ACSM4: variants seen among roughly 807,000 people sequenced by gnomAD.
ACSM4 encodes acyl-CoA synthetase medium chain family member 4, also known as acyl-coenzyme A synthetase ACSM4, mitochondrial.
Under a neutral mutation model 73.0 loss-of-function variants are expected in ACSM4, and 66 were observed. That is an observed-to-expected ratio of 0.90 (90% CI 0.74 to 1.11). The LOEUF is 1.11. Among genes scored for constraint, ACSM4 ranks in the 50% least tolerant of loss-of-function variants. The pLI, the probability that ACSM4 is intolerant of heterozygous loss-of-function variation, is 0.00. For missense variants in ACSM4, 645 were observed against 714.4 expected, an observed-to-expected ratio of 0.90 and a Z score of 1.11; for synonymous variants, 222 against 254.0, an observed-to-expected ratio of 0.87 and a Z score of 1.20.
intron 9 of ACSM4, 117 bp from the exon 10 acceptor site, chr12:7,324,155 CA>C (rs34096837): frequency 0.085 from 78,362 of 922,502 alleles, no homozygotes; most frequent in South Asian, 0.13. Context: ...GACTCTGTCT[CA>C]AAAAAAAAAA....
At position 7,327,115 on chromosome 12, in the gene ACSM4, G is replaced by C; in HGVS notation, c.1656+20G>C. On this transcript the variant is annotated intron_variant, in intron 12 of 12. Coordinates refer to ENST00000399422, the MANE Select transcript of ACSM4 (RefSeq NM_001080454.2). ...AGAAAGGCAAGTGCTTTGCCCAAAA[G>C]TTAAGTTTGGATGTTACCAAACTAG... The C allele has an allele frequency of 6.3e-7, 1 of 1,579,416 alleles. No individual in the cohort carries two copies. Among genetic ancestry groups the C allele is most frequent in the Non-Finnish European group, 8.6e-7 (1 of 1,162,890 alleles).
Position 7,306,677 on chromosome 12 carries a change from CG to C in ACSM4, c.347del (p.Arg116LeufsTer4), listed in dbSNP as rs1946364181. 1 of 1,611,132 alleles carries C rather than the reference CG, an allele frequency of 6.2e-7. No homozygotes were observed. The highest frequency in any genetic ancestry group is 1.3e-5 in the African/African-American group (1 of 74,808). On this transcript the variant is annotated frameshift_variant, in exon 2 of 13. Transcript: ENST00000399422. LOFTEE classifies it high-confidence loss of function. ...GCCCTGTGGCCTGCAGAGAGGAGAC[CG>C]TTTGGCCGTGATTCTGCCCAGAATC... is the stretch of plus-strand genomic sequence containing the variant. ...TKPCGLQRGD[R>X]LAVILPRIPE...
rs1946486800 is a variant in ACSM4, at chr12:7,324,296, C to T, written c.1332C>T (p.Ala444=). 6.2e-7 allele frequency: 1 copy of T among 1,613,046 alleles called. No homozygotes were observed. The highest frequency in any genetic ancestry group is 8.5e-7 in the Non-Finnish European group (1 of 1,179,696). Residue 444 remains alanine, a synonymous_variant, in exon 10 of 13, where the codon GCC becomes GCT. Transcript: ENST00000399422. ...KYVDNPQKTA[A]TIRGDFYVTG... ...AGGACAATCCACAGAAAACTGCTGC[C>T]ACGATAAGAGGAGATTTTTATGTCA...
At chr12:7,321,073 G>C (rs1008511073) in intron 6 of ACSM4, among the ~76,000 whole-genome samples, 1 of 152,062 alleles carries the variant, frequency 6.6e-6, no homozygotes, top group African/African-American at 2.4e-5. Context: ...ATGTCTTCTG[G>C]GGGGCAAAAC....
intron 3 of ACSM4, 93 bp from the exon 4 acceptor site, chr12:7,317,044 T>G: frequency 7.0e-7 from 1 of 1,421,412 alleles, no homozygotes; most frequent in Non-Finnish European, 9.4e-7. Context: ...TATCTTCTGG[T>G]AGCAAGAGGG....
At chr12:7,319,300 A>G (rs1054909452) in intron 5 of ACSM4, among the ~76,000 whole-genome samples, 2 of 152,134 alleles carry the variant, frequency 1.3e-5, no homozygotes, top group African/African-American at 4.8e-5. Flanking sequence ...AATGCGGGCA[A>G]TGGGGAGTGG....
At chr12:7,310,785 A>G (rs763179172) in intron 3 of ACSM4, 39 bp downstream of exon 3, 3 of 1,571,264 alleles carry the variant, frequency 1.9e-6, no homozygotes, top group Non-Finnish European at 2.6e-6. Flanking sequence ...TGCTGGCAAC[A>G]ACACAAATTA....
In ACSM4 at chr12:7,304,268, C is replaced by T; in HGVS notation, c.-64C>T. 2 of 1,504,172 alleles carry T rather than the reference C, an allele frequency of 1.3e-6. No homozygotes were observed. Among genetic ancestry groups the T allele is most frequent in the East Asian group, 2.3e-5 (1 of 44,286 alleles). The allele number at this position is 1,504,172 out of a possible 1,614,324, so 93.2% of individuals were successfully genotyped here. The stretch of plus-strand genomic sequence containing the variant: ...CATCAAGAAACTGATACTCTCTATC[C>T]ATCTCTCCCTACAGGCTGTAGTACT... On this transcript the variant is annotated 5_prime_UTR_variant, in exon 1 of 13. Coordinates refer to ENST00000399422, the MANE Select transcript of ACSM4 (RefSeq NM_001080454.2).
Position 7,322,401 on chromosome 12 carries a change from C to A in ACSM4, c.1002-17C>A. 1 of 1,613,214 alleles carries A rather than the reference C, an allele frequency of 6.2e-7. No individual in the cohort carries two copies. The highest frequency in any genetic ancestry group is 8.5e-7 in the Non-Finnish European group (1 of 1,179,724). ...CAGGTTCCTCTTGAAAAGACCCATG[C>A]AACTCTGTCTCTCCAGATATAAATT... On this transcript the variant is annotated splice_polypyrimidine_tract_variant and intron_variant, in intron 6 of 12. Transcript: ENST00000399422.
At chr12:7,318,899 A>G (rs1371495957) in intron 5 of ACSM4, among the ~76,000 whole-genome samples, 2 of 152,242 alleles carry the variant, frequency 1.3e-5, no homozygotes, top group Non-Finnish European at 2.9e-5. Context: ...GGTTTAAGGC[A>G]GCAGTCTGCA....
At chr12:7,321,825 A>G (rs2136335798) in intron 6 of ACSM4, among the ~76,000 whole-genome samples, 1 of 152,312 alleles carries the variant, frequency 6.6e-6, no homozygotes, top group Non-Finnish European at 1.5e-5. Flanking sequence ...CATCAACTCC[A>G]TCTAGAAGAG....
intron 2 of ACSM4, among the ~76,000 whole-genome samples, chr12:7,308,402 T>C (rs1946372530): frequency 6.6e-6 from 1 of 152,188 alleles, no homozygotes; most frequent in Admixed American, 6.5e-5. Flanking sequence ...GAGATTATAT[T>C]TTCTAACTCA....
At chr12:7,327,639 T>C (rs767555340) in intron 12 of ACSM4, among the ~76,000 whole-genome samples, 1 of 152,188 alleles carries the variant, frequency 6.6e-6, no homozygotes, top group Non-Finnish European at 1.5e-5. Context: ...TGGGTGATAA[T>C]TACTGATCCT....
intron 2 of ACSM4, among the ~76,000 whole-genome samples, chr12:7,308,865 A>C (rs1292589388): frequency 2.0e-5 from 3 of 152,334 alleles, no homozygotes; most frequent in African/African-American, 4.8e-5. Flanking sequence ...AGAAATGAGT[A>C]GTTTGGCTTA....
chr12:7,317,535 A>G (rs956698217), intron 4 of ACSM4, among the ~76,000 whole-genome samples: 3 of 152,218 alleles, frequency 2.0e-5, no homozygotes, highest in African/African-American at 7.2e-5. Flanking sequence ...TCTCATTGCC[A>G]GGAAGGCCTA....
chr12:7,326,593 A>G (rs778035623), intron 11 of ACSM4, among the ~76,000 whole-genome samples: 31 of 152,200 alleles, frequency 2.0e-4, no homozygotes, highest in Non-Finnish European at 4.1e-4. Context: ...CATATTCTCT[A>G]GGAACTCCAT....
chr12:7,324,792 G>T (rs1946491759), intron 11 of ACSM4, among the ~76,000 whole-genome samples, 194 bp downstream of exon 11: 1 of 150,834 alleles, frequency 6.6e-6, no homozygotes, highest in Non-Finnish European at 1.5e-5. Context: ...GAATTCTTTT[G>T]ATGGCAAGTG....
At chr12:7,320,517 A>T (rs1946453082) in intron 5 of ACSM4, among the ~76,000 whole-genome samples, 1 of 152,224 alleles carries the variant, frequency 6.6e-6, no homozygotes, top group Admixed American at 6.5e-5. Flanking sequence ...CTGTAATATT[A>T]ATATATATAC....
At chr12:7,328,034 G>A (rs1591848757) in intron 12 of ACSM4, among the ~76,000 whole-genome samples, 1 of 152,210 alleles carries the variant, frequency 6.6e-6, no homozygotes, top group African/African-American at 2.4e-5. Context: ...GAAAGCAATG[G>A]GGTAAAGGGA....
Sources: gnomAD v4.1 joint callset for allele counts (sites outside exome capture counted in the v4.1 genomes callset) on GRCh38, gnomAD v4.1.1 for gene constraint, MANE v1.5 for transcripts, NCBI Gene and HGNC (gene_info 2026-07-23, HGNC 2026-07-21) for gene names.